The following UNC80 variants were observed in gnomAD, a reference collection of about 807,000 sequenced individuals.
The protein encoded by UNC80 is unc-80 subunit of NALCN channel complex.
A neutral mutation model predicts 384.6 loss-of-function variants in UNC80; 164 were observed. That is an observed-to-expected ratio of 0.43 (90% confidence interval 0.38 to 0.49). UNC80 has a LOEUF of 0.49. Ranked by LOEUF, UNC80 falls within the 20% of genes least tolerant of loss-of-function variation. UNC80 has a pLI of 0.00. For missense variants in UNC80, 3,330 were observed against 4,143.0 expected, an observed-to-expected ratio of 0.80 and a Z score of 5.39; for synonymous variants, 1,486 against 1,527.8, an observed-to-expected ratio of 0.97 and a Z score of 0.64.
In UNC80 at chr2:209,890,689, T is replaced by C. The variant is rs941619476; in HGVS notation, c.4276+2429T>C. On this transcript the variant is annotated intron_variant, in intron 26 of 64. Transcript: ENST00000673920. ...TTCTAAGCCACAGTTCCCTTTTCTG[T>C]AAAACTGGGTTAACACCTACTGCAT... is the stretch of plus-strand genomic sequence containing the variant. 3.9e-5 allele frequency among the ~76,000 whole-genome samples: 6 copies of C among 152,368 alleles called. No individual in the cohort carries two copies. In the South Asian group the frequency reaches 6.2e-4, roughly 16 times the overall value.
chr2:209,961,123 T>C (rs1427415241), intron 51 of UNC80: 3 of 150,618 alleles, frequency 2.0e-5, no homozygotes, highest in Non-Finnish European at 4.4e-5. Flanking sequence ...GACTATGAGA[T>C]AGTGACTGTC....
At position 209,776,056 on chromosome 2, in the gene UNC80, C is replaced by G. The variant is rs183381359; in HGVS notation, c.298+11C>G. On this transcript the variant is annotated intron_variant, in intron 3 of 64. Transcript: ENST00000673920. ...ACCGAAACAAGCTAGGTTGGTGCCC[C>G]GCATTACTTCTTTATTGCATGTGAT... 1.3e-4 allele frequency: 212 copies of G among 1,613,788 alleles called. No individual in the cohort carries two copies. The African/African-American group carries it at 2.2e-3, about 17-fold the overall frequency.
Position 209,772,067 on chromosome 2 carries a change from A to G in UNC80, c.-6A>G. ...TCCTGCAGTAGGACTCCCGGGAGCC[A>G]CCATTATGGTGAAGAGGAAGAGCTC... On this transcript the variant is annotated 5_prime_UTR_variant, in exon 1 of 65. Transcript: ENST00000673920. The G allele has an allele frequency of 6.5e-7, 1 of 1,548,438 alleles. No homozygotes were observed. The highest frequency in any genetic ancestry group is 8.7e-7 in the Non-Finnish European group (1 of 1,145,406).
rs182834073 is a variant in UNC80 at position 209,797,596 on chromosome 2, C to T, written c.938+3737C>T. On this transcript the variant is annotated intron_variant, in intron 7 of 64. Coordinates refer to ENST00000673920, the MANE Select transcript of UNC80 (RefSeq NM_001371986.1). ...CATTGATGGGTGTTTGGGTTGGTTCCGTGTCTTTGCTATTGTAAATAGTGC... is the reference window on the plus strand; with the variant it reads ...CATTGATGGGTGTTTGGGTTGGTTCTGTGTCTTTGCTATTGTAAATAGTGC... Among the ~76,000 whole-genome samples the T allele has an allele frequency of 7.4e-4, 113 of 152,146 alleles. 1 individual carries two copies. The highest frequency in any genetic ancestry group is 2.5e-3 in the African/African-American group (105 of 41,486).
intron 47 of UNC80, chr2:209,951,719 T>C (rs1396507652): frequency 6.6e-6 from 1 of 152,222 alleles, no homozygotes; most frequent in Non-Finnish European, 1.5e-5. Flanking sequence ...GGATTCATAG[T>C]GTTTCCTGAA....
At chr2:209,815,497 G>A in intron 9 of UNC80, 106 bp downstream of exon 9, 2 of 1,290,326 alleles carry the variant, frequency 1.5e-6, no homozygotes, top group Non-Finnish European at 2.1e-6. Context: ...GTGGGAAAGG[G>A]AACTTAGAAA....
intron 22 of UNC80, among the ~76,000 whole-genome samples, chr2:209,858,600 A>C (rs1385435536): frequency 6.6e-6 from 1 of 151,926 alleles, no homozygotes; most frequent in Non-Finnish European, 1.5e-5. Flanking sequence ...AGGCAGAGGC[A>C]CAAGAATAGC....
intron 28 of UNC80, among the ~76,000 whole-genome samples, chr2:209,897,155 T>C (rs1005999886): frequency 5.3e-5 from 8 of 152,164 alleles, no homozygotes; most frequent in African/African-American, 1.9e-4. Flanking sequence ...TGAGAATCTC[T>C]GAGGCAGCTG....
At chr2:209,987,621 G>T (rs202076873) in intron 61 of UNC80, among the ~76,000 whole-genome samples, 3 of 152,188 alleles carry the variant, frequency 2.0e-5, no homozygotes, top group East Asian at 3.9e-4. Flanking sequence ...ATTAGATTTT[G>T]GTTGGACATG....
chr2:209,841,481 G>A (rs1168984442), intron 20 of UNC80, among the ~76,000 whole-genome samples: 1 of 151,964 alleles, frequency 6.6e-6, no homozygotes, highest in Non-Finnish European at 1.5e-5. Context: ...TCAGCCTCCC[G>A]AGTAGCTGGG....
chr2:209,898,720 AT>A, intron 28 of UNC80, among the ~76,000 whole-genome samples: 1 of 151,988 alleles, frequency 6.6e-6, no homozygotes, highest in East Asian at 1.9e-4. Flanking sequence ...TACTCATTCT[AT>A]TTTTTTGTAT....
intron 24 of UNC80, among the ~76,000 whole-genome samples, chr2:209,880,513 A>G (rs1221264639): frequency 6.6e-6 from 1 of 152,252 alleles, no homozygotes; most frequent in African/African-American, 2.4e-5. Context: ...GAATTTTTAT[A>G]GCTCCAAATC....
At chr2:209,987,609 G>T (rs767975784) in intron 61 of UNC80, among the ~76,000 whole-genome samples, 13 of 152,102 alleles carry the variant, frequency 8.5e-5, no homozygotes, top group Non-Finnish European at 8.8e-5. Context: ...TTACACCAAA[G>T]AATTAGATTT....
chr2:209,943,250 A>C, intron 44 of UNC80, 130 bp from the exon 45 acceptor site: 1 of 1,183,742 alleles, frequency 8.4e-7, no homozygotes, highest in Non-Finnish European at 1.2e-6. Flanking sequence ...ATGCCATTTT[A>C]CATTCCTCTC....
At chr2:209,898,792 A>C (rs1463649238) in intron 28 of UNC80, among the ~76,000 whole-genome samples, 1 of 152,102 alleles carries the variant, frequency 6.6e-6, no homozygotes, top group Non-Finnish European at 1.5e-5. Flanking sequence ...TCTGGTAACC[A>C]TCTTTCTAAC....
At chr2:209,840,840 G>A (rs2081684537) in intron 20 of UNC80, among the ~76,000 whole-genome samples, 192 bp downstream of exon 20, 1 of 152,158 alleles carries the variant, frequency 6.6e-6, no homozygotes, top group South Asian at 2.1e-4. Flanking sequence ...CATAGGAAGG[G>A]AAAAAGAAAA....
intron 9 of UNC80, 124 bp downstream of exon 9, chr2:209,815,515 C>G (rs2079670595): frequency 1.5e-5 from 15 of 1,021,502 alleles, no homozygotes; most frequent in Non-Finnish European, 2.1e-5. Flanking sequence ...AAACCGAAGT[C>G]AGCTCCTAGA....
chr2:209,807,839 T>C (rs966277492), intron 7 of UNC80, among the ~76,000 whole-genome samples: 1 of 152,218 alleles, frequency 6.6e-6, no homozygotes, highest in African/African-American at 2.4e-5. Context: ...TTAAGTGCAG[T>C]ACAGCTCACA....
At chr2:209,895,888 G>A (rs533699450) in intron 27 of UNC80, among the ~76,000 whole-genome samples, 11 of 152,318 alleles carry the variant, frequency 7.2e-5, no homozygotes, top group South Asian at 2.1e-4. Context: ...TAGAGCAATA[G>A]CACTAGCTGC....
Sources: gnomAD v4.1 joint callset for allele counts (sites outside exome capture counted in the v4.1 genomes callset) on GRCh38, gnomAD v4.1.1 for gene constraint, MANE v1.5 for transcripts, NCBI Gene and HGNC (gene_info 2026-07-23, HGNC 2026-07-21) for gene names.